Variants in CREB5 observed in about 807,000 individuals in gnomAD.
CREB5 encodes the protein cAMP responsive element binding protein 5, also known as cyclic AMP-responsive element-binding protein 5.
Under a neutral mutation model 57.1 loss-of-function variants are expected in CREB5, and 19 were observed. The ratio of observed to expected loss-of-function variants is 0.33; its 90% confidence interval spans 0.23 to 0.49. The LOEUF is 0.49. Among genes scored for constraint, CREB5 ranks in the 20% least tolerant of loss-of-function variants. The pLI is 0.99. For synonymous variants in CREB5, 238 were observed against 238.3 expected (o/e 1.00, Z 0.01); for missense variants, 579 against 671.6 (o/e 0.86, Z 1.52).
chr7:28,734,396 G>T (rs1001566050), intron 7 of CREB5, among the ~76,000 whole-genome samples: 1 of 151,718 alleles, frequency 6.6e-6, no homozygotes, highest in Non-Finnish European at 1.5e-5. Flanking sequence ...ATCAAAATTG[G>T]GTTCACACTA....
intron 7 of CREB5, among the ~76,000 whole-genome samples, chr7:28,783,680 G>T: frequency 6.6e-6 from 1 of 152,134 alleles, no homozygotes; most frequent in East Asian, 1.9e-4. Flanking sequence ...ATTGACAGGG[G>T]CCTTGGGGGG....
chr7:28,379,601 C>T (rs1030056426), intron 1 of CREB5, among the ~76,000 whole-genome samples: 6 of 152,116 alleles, frequency 3.9e-5, no homozygotes, highest in African/African-American at 1.2e-4. Context: ...CTTGGATGCA[C>T]GTGAAAATCA....
At chr7:28,415,532 T>C (rs1227620562) in intron 1 of CREB5, among the ~76,000 whole-genome samples, 3 of 152,274 alleles carry the variant, frequency 2.0e-5, no homozygotes, top group Non-Finnish European at 4.4e-5. Flanking sequence ...AACTGTAGTT[T>C]CTATTTCATT....
intron 1 of CREB5, among the ~76,000 whole-genome samples, chr7:28,446,790 T>TCAAAACAAAA (rs144125710): frequency 8.5e-5 from 13 of 152,120 alleles, no homozygotes; most frequent in African/African-American, 3.1e-4. Context: ...AGACTCTGTC[T>TCAAAACAAAA]CAAAACAAAA....
chr7:28,303,238 T>C (rs1785130924), intron 1 of CREB5, among the ~76,000 whole-genome samples: 2 of 152,224 alleles, frequency 1.3e-5, no homozygotes, highest in Admixed American at 6.5e-5. Context: ...CCTTATTTAT[T>C]TGGGTAAGTG....
chr7:28,506,960 A>G (rs1562762989), intron 3 of CREB5, among the ~76,000 whole-genome samples: 1 of 152,242 alleles, frequency 6.6e-6, no homozygotes, highest in Non-Finnish European at 1.5e-5. Context: ...TTTAAAGAGC[A>G]TTTGCAGAAC....
At chr7:28,491,091 T>G in intron 2 of CREB5, 1 of 458,580 alleles carries the variant, frequency 2.2e-6, no homozygotes, top group Non-Finnish European at 2.9e-6. Flanking sequence ...AATGAGTGAG[T>G]GGGTGGTGAG....
At chr7:28,353,034 T>G (rs1237604076) in intron 1 of CREB5, among the ~76,000 whole-genome samples, 1 of 152,228 alleles carries the variant, frequency 6.6e-6, no homozygotes, top group Non-Finnish European at 1.5e-5. Flanking sequence ...TCAATTTTTA[T>G]CTTTCTTCTT....
intron 5 of CREB5, among the ~76,000 whole-genome samples, chr7:28,572,648 T>C (rs958659192): frequency 6.6e-6 from 1 of 151,940 alleles, no homozygotes; most frequent in African/African-American, 2.4e-5. Context: ...TGGAGGCCCT[T>C]AGTATTCAGC....
At chr7:28,602,189 C>T (rs866073971) in intron 5 of CREB5, among the ~76,000 whole-genome samples, 4 of 152,048 alleles carry the variant, frequency 2.6e-5, no homozygotes, top group South Asian at 2.1e-4. Flanking sequence ...TGCACTGGTG[C>T]GATCTCGGCT....
chr7:28,430,643 AG>A (rs11304293), intron 1 of CREB5, among the ~76,000 whole-genome samples: 41,308 of 152,090 alleles, frequency 0.27, 6,979 homozygotes, highest in South Asian at 0.39. Flanking sequence ...CTTATAATTT[AG>A]GGGGCTCAGT....
chr7:28,400,016 C>T lies in CREB5; in HGVS notation c.-24-94890C>T, dbSNP rs372161838. On this transcript the variant is annotated intron_variant, in intron 1 of 9. Coordinates refer to the CREB5 transcript ENST00000396299. ...GAGGTTGCAGTTAGCCGAGATAGTG[C>T]CATTGCACTCCTGCCTGGGTGGCAA... 1.6e-3 allele frequency among the ~76,000 whole-genome samples: 241 copies of T among 152,192 alleles called. 2 individuals are homozygous for T. Among genetic ancestry groups the T allele is most frequent in the Middle Eastern group, 6.8e-3 (2 of 294 alleles).
At chr7:28,579,861 A>T (rs536028996) in intron 5 of CREB5, among the ~76,000 whole-genome samples, 4 of 152,326 alleles carry the variant, frequency 2.6e-5, no homozygotes, top group African/African-American at 9.6e-5. Flanking sequence ...CATTCTTAGA[A>T]TCTATAGGGG....
intron 5 of CREB5, among the ~76,000 whole-genome samples, chr7:28,590,504 A>G (rs902206201): frequency 1.6e-5 from 2 of 124,298 alleles, no homozygotes; most frequent in Admixed American, 9.2e-5. Flanking sequence ...CAGGAAGGGG[A>G]ACATCACACA....
At chr7:28,808,417 C>G (rs1374433598) in intron 8 of CREB5, among the ~76,000 whole-genome samples, 3 of 152,226 alleles carry the variant, frequency 2.0e-5, no homozygotes, top group Non-Finnish European at 4.4e-5. Flanking sequence ...ATGAAAGGAG[C>G]CCACAACCTG....
At chr7:28,738,136 T>C (rs1383499155) in intron 7 of CREB5, among the ~76,000 whole-genome samples, 1 of 152,198 alleles carries the variant, frequency 6.6e-6, no homozygotes, top group Non-Finnish European at 1.5e-5. Context: ...CCACCTAAAA[T>C]AGATTTTTAC....
chr7:28,638,858 G>A (rs573400907), intron 5 of CREB5, among the ~76,000 whole-genome samples: 155 of 152,198 alleles, frequency 1.0e-3, no homozygotes, highest in African/African-American at 3.6e-3. Context: ...CCAAAAGAGT[G>A]GTCAGATCAT....
Position 28,819,288 on chromosome 7 carries a change from ATCAGACCTGGCC to A in CREB5, c.*12_*23del. ...TGAATCCGATTCTTTAAAATGCACCATCAGACCTGGCCTCCAAGAAGAGCTGTAGCGTACCAT... is the reference window on the plus strand; with the variant it reads ...TGAATCCGATTCTTTAAAATGCACCATCCAAGAAGAGCTGTAGCGTACCAT... On this transcript the variant is annotated 3_prime_UTR_variant, in exon 11 of 11. Transcript: ENST00000357727. The A allele has an allele frequency of 6.2e-7, 1 of 1,611,700 alleles. No individual in the cohort carries two copies. Among genetic ancestry groups the A allele is most frequent in the Non-Finnish European group, 8.5e-7 (1 of 1,178,814 alleles).
chr7:28,362,081 A>G (rs1362335880), intron 1 of CREB5, among the ~76,000 whole-genome samples: 1 of 152,222 alleles, frequency 6.6e-6, no homozygotes, highest in East Asian at 1.9e-4. Flanking sequence ...TAAAATATTG[A>G]TTTAAGCAAA....
Sources: allele counts gnomAD v4.1 joint callset (sites outside exome capture counted in the v4.1 genomes callset), GRCh38; gene constraint gnomAD v4.1.1; transcripts MANE v1.5; gene names NCBI Gene and HGNC (gene_info 2026-07-23, HGNC 2026-07-21).